Variants in FRMPD4 observed in about 807,000 individuals in gnomAD.
FRMPD4 encodes the protein FERM and PDZ domain containing 4.
In FRMPD4, 22 loss-of-function variants were observed where a neutral mutation model predicts 94.1. That is an observed-to-expected ratio of 0.23 (90% confidence interval 0.17 to 0.33). The LOEUF is 0.33. FRMPD4 is among the 10% of genes least tolerant of loss of function. The probability of loss-of-function intolerance (pLI) is 1.00; values close to 1 mark genes in which losing one functional copy is unlikely to be tolerated. For synonymous variants in FRMPD4, 631 were observed against 548.6 expected (o/e 1.15, Z -2.10); for missense variants, 1,111 against 1,339.9 (o/e 0.83, Z 2.67).
chrX:12,043,139 G>A (rs2054765932), intron 3 of FRMPD4, among the ~76,000 whole-genome samples: 1 of 111,405 alleles, frequency 9.0e-6, no homozygotes, highest in African/African-American at 3.3e-5. Context: ...GGTTGTTTGT[G>A]ACCATTTTTT....
chrX:12,150,428 C>T (rs1055132939), intron 1 of FRMPD4, among the ~76,000 whole-genome samples: 5 of 111,866 alleles, frequency 4.5e-5, no homozygotes, highest in African/African-American at 1.3e-4. Context: ...GGGCCCATAT[C>T]CTCTCATTCT....
chrX:12,470,484 G>A (rs1236282471), intron 1 of FRMPD4, among the ~76,000 whole-genome samples: 2 of 111,655 alleles, frequency 1.8e-5, no homozygotes, highest in Non-Finnish European at 3.8e-5. Flanking sequence ...ATTCACTAAC[G>A]AACATTGCTG....
intron 1 of FRMPD4, among the ~76,000 whole-genome samples, chrX:12,168,783 G>A (rs1358699739): frequency 1.8e-5 from 2 of 109,040 alleles, no homozygotes; most frequent in South Asian, 4.0e-4. Flanking sequence ...CCACCACCAC[G>A]CCTGGCTAAT....
At chrX:12,359,570 C>T (rs1442845656) in intron 1 of FRMPD4, among the ~76,000 whole-genome samples, 3 of 108,668 alleles carry the variant, frequency 2.8e-5, no homozygotes, top group African/African-American at 3.4e-5. Flanking sequence ...CAGGTTTGAG[C>T]GATTCTCCTG....
chrX:12,560,002 G>A (rs955599174), intron 2 of FRMPD4, among the ~76,000 whole-genome samples: 2 of 80,900 alleles, frequency 2.5e-5, no homozygotes, highest in Non-Finnish European at 4.7e-5. Flanking sequence ...CATTCAGATA[G>A]ATGATTTATT....
At chrX:12,233,031 C>T (rs1280435498) in intron 1 of FRMPD4, among the ~76,000 whole-genome samples, 1 of 112,031 alleles carries the variant, frequency 8.9e-6, no homozygotes, top group Non-Finnish European at 1.9e-5. Context: ...TTACCCAGTA[C>T]TAAAGACATA....
At chrX:12,227,904 G>T (rs1259862434) in intron 1 of FRMPD4, among the ~76,000 whole-genome samples, 4 of 110,658 alleles carry the variant, frequency 3.6e-5, no homozygotes, top group Non-Finnish European at 7.6e-5. Context: ...GGAGTGTAGG[G>T]GTGTGTATGT....
intron 3 of FRMPD4, among the ~76,000 whole-genome samples, chrX:12,017,072 G>A (rs968778474): frequency 9.0e-6 from 1 of 111,598 alleles, no homozygotes; most frequent in Non-Finnish European, 1.9e-5. Flanking sequence ...CTCTTTACTT[G>A]CCCTGATCTT....
At chrX:12,718,818 G>T (rs368825019) in intron 16 of FRMPD4, 28 bp downstream of exon 16, 3 of 924,346 alleles carry the variant, frequency 3.2e-6, no homozygotes, top group Non-Finnish European at 3.1e-6. Context: ...TTAGCACTTT[G>T]TATGACATGC....
At chrX:12,488,577 T>C (rs1198511232) in intron 1 of FRMPD4, among the ~76,000 whole-genome samples, 1 of 111,913 alleles carries the variant, frequency 8.9e-6, no homozygotes, top group Non-Finnish European at 1.9e-5. Context: ...AGGTATGTGA[T>C]GGGTTGAACT....
At chrX:12,231,030 G>GTGTATATATATATATATATA (rs2056993261) in intron 1 of FRMPD4, among the ~76,000 whole-genome samples, 3 of 26,387 alleles carry the variant, frequency 1.1e-4, no homozygotes, top group African/African-American at 3.7e-4. Flanking sequence ...TATATATATA[G>GTGTATATATATATATATATA]TATATATATA....
intron 1 of FRMPD4, among the ~76,000 whole-genome samples, chrX:12,168,487 A>G (rs1292425711): frequency 9.0e-6 from 1 of 111,304 alleles, no homozygotes; most frequent in Non-Finnish European, 1.9e-5. Flanking sequence ...GCAAGAAAAT[A>G]TAATTTAGGA....
intron 6 of FRMPD4, among the ~76,000 whole-genome samples, chrX:12,684,739 G>A (rs1409338054): frequency 2.7e-5 from 3 of 112,459 alleles, no homozygotes; most frequent in Non-Finnish European, 3.8e-5. Context: ...CAGAGCTTTC[G>A]AGCGTGTAAT....
intron 1 of FRMPD4, among the ~76,000 whole-genome samples, chrX:12,201,475 T>C (rs764163031): frequency 1.7e-4 from 19 of 112,132 alleles, no homozygotes; most frequent in Admixed American, 1.5e-3. Context: ...GCTAACCTGC[T>C]ATTTCTGGTG....
In FRMPD4 at chrX:12,012,156, C is replaced by T. The variant is rs953741995; in HGVS notation, c.95+134138C>T. ...CCTCGTGATCCACCTGCCTTGGCCT[C>T]CCAAAGTGCTGGGATTACAAGCGTG... On this transcript the variant is annotated intron_variant, in intron 3 of 18. Transcript: ENST00000640291. Among the ~76,000 whole-genome samples the T allele has an allele frequency of 5.4e-5, 6 of 111,582 alleles. No homozygotes were observed. In the East Asian group the frequency reaches 1.7e-3, roughly 31 times the overall value.
At chrX:11,906,223 C>G (rs2053967223) in intron 3 of FRMPD4, among the ~76,000 whole-genome samples, 1 of 109,309 alleles carries the variant, frequency 9.1e-6, no homozygotes, top group African/African-American at 3.3e-5. Flanking sequence ...TCTCAGCTTA[C>G]TGCAAGCTCC....
intron 2 of FRMPD4, among the ~76,000 whole-genome samples, chrX:12,505,910 C>G (rs1290588644): frequency 9.0e-6 from 1 of 111,284 alleles, no homozygotes; most frequent in Admixed American, 9.5e-5. Flanking sequence ...TGGTGAAGAG[C>G]TCCTTCAATT....
intron 3 of FRMPD4, among the ~76,000 whole-genome samples, chrX:11,945,165 G>A (rs187220262): frequency 1.8e-5 from 2 of 111,507 alleles, no homozygotes; most frequent in East Asian, 5.7e-4. Flanking sequence ...AACCCCCCAT[G>A]GATTTTCTTA....
chrX:11,991,358 C>T (rs190654125), intron 3 of FRMPD4, among the ~76,000 whole-genome samples: 2 of 111,543 alleles, frequency 1.8e-5, no homozygotes, highest in Non-Finnish European at 3.8e-5. Context: ...ATAATTAGTC[C>T]ATGGAAGTAA....
Sources: allele counts gnomAD v4.1 joint callset (sites outside exome capture counted in the v4.1 genomes callset), GRCh38; gene constraint gnomAD v4.1.1; transcripts MANE v1.5; gene names NCBI Gene and HGNC (gene_info 2026-07-23, HGNC 2026-07-21).